BCOR: variants seen among roughly 807,000 people sequenced by gnomAD.
BCOR encodes BCL6 corepressor.
A neutral mutation model predicts 86.7 loss-of-function variants in BCOR; 10 were observed. That is an observed-to-expected ratio of 0.12 (90% CI 0.07 to 0.20). The LOEUF (loss-of-function observed/expected upper bound fraction) is 0.20. BCOR is among the 10% of genes least tolerant of loss of function. BCOR has a pLI of 1.00. For missense variants in BCOR, 1,259 were observed against 1,452.1 expected (o/e 0.87, Z 2.16); for synonymous variants, 611 against 609.0 (o/e 1.00, Z -0.05).
chrX:40,086,523 C>A (rs927609222), intron 1 of BCOR, among the ~76,000 whole-genome samples: 1 of 112,829 alleles, frequency 8.9e-6, no homozygotes, highest in African/African-American at 3.2e-5. Flanking sequence ...CACCCCACCC[C>A]AATCCTGGGA....
chrX:40,085,777 C>G (rs779645097), intron 1 of BCOR, among the ~76,000 whole-genome samples: 1 of 111,820 alleles, frequency 8.9e-6, no homozygotes, highest in South Asian at 3.7e-4. Flanking sequence ...ACCCAGCTTG[C>G]CCCAGGACGG....
intron 1 of BCOR, among the ~76,000 whole-genome samples, chrX:40,152,305 G>A (rs1938183656): frequency 9.0e-6 from 1 of 111,389 alleles, no homozygotes; most frequent in Admixed American, 9.4e-5. Context: ...CCGTCCCTTT[G>A]ATATACTACC....
chrX:40,159,893 TATTA>T (rs1402938136), intron 1 of BCOR, among the ~76,000 whole-genome samples: 1 of 110,760 alleles, frequency 9.0e-6, no homozygotes, highest in Non-Finnish European at 1.9e-5. Flanking sequence ...ATGAGGCAAT[TATTA>T]ACTCCAGGAA....
At position 40,074,325 on chromosome X, in the gene BCOR, G is replaced by A. The variant is rs1348524151; in HGVS notation, c.1021C>T (p.Pro341Ser). 1.7e-6 allele frequency: 2 copies of A among 1,212,088 alleles called. No homozygotes were observed. The highest frequency in any genetic ancestry group is 1.7e-5 in the African/African-American group (1 of 57,990). Reference protein sequence around the residue: ...LLLPPSPRPSPRVHLPTQPAA... With the variant: ...LLLPPSPRPSSRVHLPTQPAA... ...GGCTGGGTGGGAAGGTGGACTCGGG[G>A]TGACGGCCGAGGCGAGGGGGGCAAC... is the stretch of plus-strand genomic sequence containing the variant. The change falls in exon 4 of 15, where the codon CCC (proline) becomes TCC (serine). Residue 341 changes from proline (P) to serine (S), a missense_variant. Pro to Ser is a moderately conservative substitution (Grantham distance 74). This residue lies in a region of BCOR where 534 missense variants were observed against 594.8 expected (regional missense o/e 0.90). Transcript: ENST00000378444.
chrX:40,094,204 G>C (rs891274274), intron 1 of BCOR, among the ~76,000 whole-genome samples: 2 of 111,369 alleles, frequency 1.8e-5, no homozygotes, highest in African/African-American at 6.6e-5. Context: ...AGGCTAGCTC[G>C]CTCACTCGCA....
chrX:40,074,171 T>C lies in BCOR; in HGVS notation c.1175A>G (p.Lys392Arg). The C allele has an allele frequency of 8.2e-7, 1 of 1,212,414 alleles. No individual in the cohort carries two copies. Among genetic ancestry groups the C allele is most frequent in the East Asian group, 3.0e-5 (1 of 33,845 alleles). The part of the protein sequence containing the change: ...EFPAARLSNG[K>R]YPKAPEGGEG... ...GCCCCCTTCCGGAGCCTTGGGATAC[T>C]TGCCATTGGAGAGCCTGGCCGCGGG... The change falls in exon 4 of 15, where the codon AAG (lysine) becomes AGG (arginine). Residue 392 changes from lysine to arginine, a missense_variant. Around this residue, in one of 7 missense-constraint regions of BCOR, gnomAD observed 534 missense variants for 594.8 expected, o/e 0.90. Coordinates refer to ENST00000378444, the MANE Select transcript of BCOR (RefSeq NM_001123385.2).
At chrX:40,123,476 C>G (rs774418808) in intron 1 of BCOR, among the ~76,000 whole-genome samples, 1 of 110,583 alleles carries the variant, frequency 9.0e-6, no homozygotes. Flanking sequence ...CCTCAGCCTC[C>G]CGAGTAGCTG....
At chrX:40,159,264 C>T (rs1938363218) in intron 1 of BCOR, among the ~76,000 whole-genome samples, 1 of 112,767 alleles carries the variant, frequency 8.9e-6, no homozygotes, top group African/African-American at 3.2e-5. Flanking sequence ...CTGGGTGGGA[C>T]AGACACAATT....
chrX:40,128,907 A>G (rs1294034359), intron 1 of BCOR, among the ~76,000 whole-genome samples: 1 of 109,821 alleles, frequency 9.1e-6, no homozygotes, highest in Admixed American at 9.8e-5. Context: ...TCACCATGGA[A>G]ATAGCTGCCA....
Position 40,072,339 on chromosome X carries a change from G to A in BCOR, c.2997+10C>T. 8.3e-7 allele frequency: 1 copy of A among 1,203,148 alleles called. No homozygotes were observed. The highest frequency in any genetic ancestry group is 1.1e-6 in the Non-Finnish European group (1 of 891,615). ...GGTAAAGTAACTGAAATTCAGGTGG[G>A]GGGGCTCACCTGCAATGCCCGTTGC... is the stretch of plus-strand genomic sequence containing the variant. On this transcript the variant is annotated intron_variant, in intron 4 of 14. Transcript: ENST00000378444.
intron 1 of BCOR, among the ~76,000 whole-genome samples, chrX:40,140,541 C>A (rs1473082321): frequency 8.9e-6 from 1 of 112,259 alleles, no homozygotes; most frequent in Middle Eastern, 4.2e-3. Flanking sequence ...GCTCTTTCTC[C>A]TGGTTTTAGT....
chrX:40,102,763 G>C (rs1042258047), upstream of BCOR, among the ~76,000 whole-genome samples: 10 of 113,523 alleles, frequency 8.8e-5, no homozygotes, highest in African/African-American at 1.6e-4. Flanking sequence ...AGAAGGCTCT[G>C]CCAGCCCCTC....
At chrX:40,131,506 G>T (rs2147910822) in intron 1 of BCOR, among the ~76,000 whole-genome samples, 1 of 111,982 alleles carries the variant, frequency 8.9e-6, no homozygotes, top group South Asian at 3.7e-4. Flanking sequence ...AATTAGCCAG[G>T]CGTGGTGGCA....
chrX:40,146,744 A>G (rs1308482833), intron 1 of BCOR: 1 of 111,488 alleles, frequency 9.0e-6, no homozygotes, highest in Non-Finnish European at 1.9e-5. Context: ...CGGGGTTCGC[A>G]AGCTGGGCCC....
intron 1 of BCOR, among the ~76,000 whole-genome samples, chrX:40,161,506 CTTTTTTTTTTTT>C (rs749528691): frequency 1.8e-5 from 1 of 55,980 alleles, no homozygotes; most frequent in Non-Finnish European, 3.1e-5. Context: ...CGATTCTCCC[CTTTTTTTTTTTT>C]TTTTTTTTTT....
At chrX:40,155,172 G>T (rs1282799784) in intron 1 of BCOR, among the ~76,000 whole-genome samples, 1 of 112,775 alleles carries the variant, frequency 8.9e-6, no homozygotes, top group Non-Finnish European at 1.9e-5. Context: ...CGCTCAGTGC[G>T]GTCAGTACGG....
chrX:40,138,220 G>A (rs1320965261), intron 1 of BCOR, among the ~76,000 whole-genome samples: 2 of 111,994 alleles, frequency 1.8e-5, no homozygotes, highest in Non-Finnish European at 3.8e-5. Flanking sequence ...CCAAAGTGCT[G>A]GGATTACAGG....
intron 1 of BCOR, among the ~76,000 whole-genome samples, chrX:40,127,861 AAAATAAATAAATAAATAAATAAATAAAT>A: frequency 1.2e-5 from 1 of 85,923 alleles, no homozygotes; most frequent in African/African-American, 4.3e-5. Flanking sequence ...ACCTTGTCTC[AAAATAAATAAATAAATAAATAAATAAAT>A]AAATAAATAA....
intron 6 of BCOR, among the ~76,000 whole-genome samples, chrX:40,066,052 T>C (rs1384681496): frequency 9.0e-6 from 1 of 110,898 alleles, no homozygotes; most frequent in Non-Finnish European, 1.9e-5. Flanking sequence ...CAGATGGGGC[T>C]GCATCTATTC....
Sources: gnomAD v4.1 joint callset for allele counts (sites outside exome capture counted in the v4.1 genomes callset) on GRCh38, gnomAD v4.1.1 for gene constraint, gnomAD v4.1.1 regional missense constraint, MANE v1.5 for transcripts, NCBI Gene and HGNC (gene_info 2026-07-23, HGNC 2026-07-21) for gene names.